Variants in TEAD1 observed in about 807,000 individuals in gnomAD.
The protein encoded by TEAD1 is transcriptional enhancer factor TEF-1.
In TEAD1, 9 loss-of-function variants were observed where a neutral mutation model predicts 54.9. That is an observed-to-expected ratio of 0.16 (90% CI 0.10 to 0.29). TEAD1 has a LOEUF of 0.29. Among genes scored for constraint, TEAD1 ranks in the 10% least tolerant of loss-of-function variants. TEAD1 has a pLI of 1.00. For synonymous variants in TEAD1, 200 were observed against 187.8 expected, an observed-to-expected ratio of 1.07 and a Z score of -0.53; for missense variants, 387 against 535.9, an observed-to-expected ratio of 0.72 and a Z score of 2.74.
chr11:12,679,555 C>T (rs974057143), intron 2 of TEAD1, among the ~76,000 whole-genome samples: 1 of 152,072 alleles, frequency 6.6e-6, no homozygotes, highest in Admixed American at 6.6e-5. Context: ...TGAAAAACTG[C>T]TGCTAATGGT....
intron 2 of TEAD1, among the ~76,000 whole-genome samples, chr11:12,724,389 G>T (rs992437842): frequency 1.3e-5 from 2 of 152,172 alleles, no homozygotes; most frequent in Non-Finnish European, 2.9e-5. Flanking sequence ...CACACCTCTC[G>T]GGCTGTTTGA....
chr11:12,711,562 T>C (rs1291484162), intron 2 of TEAD1, among the ~76,000 whole-genome samples: 1 of 152,186 alleles, frequency 6.6e-6, no homozygotes, highest in African/African-American at 2.4e-5. Context: ...AAGTCCTCTC[T>C]TCATTGCTGT....
intron 9 of TEAD1, among the ~76,000 whole-genome samples, chr11:12,893,913 G>A (rs1948252699): frequency 6.6e-6 from 1 of 152,170 alleles, no homozygotes; most frequent in Non-Finnish European, 1.5e-5. Context: ...GCACAGGCAA[G>A]CTCCTGGGCT....
intron 2 of TEAD1, among the ~76,000 whole-genome samples, chr11:12,712,757 C>A (rs1333374553): frequency 6.6e-6 from 1 of 152,128 alleles, no homozygotes; most frequent in Non-Finnish European, 1.5e-5. Flanking sequence ...GAGAATAAAT[C>A]AAATCCAGTA....
chr11:12,903,372 C>G (rs188479920), intron 10 of TEAD1, among the ~76,000 whole-genome samples: 11 of 152,188 alleles, frequency 7.2e-5, no homozygotes, highest in Non-Finnish European at 1.2e-4. Context: ...ACAACAAAGC[C>G]CAACAGATGT....
intron 3 of TEAD1, among the ~76,000 whole-genome samples, chr11:12,796,204 G>A (rs1270913191): frequency 6.6e-6 from 1 of 152,090 alleles, no homozygotes; most frequent in Non-Finnish European, 1.5e-5. Context: ...ACTAAGTGTT[G>A]GGTAGCAACC....
chr11:12,683,192 T>C (rs1482553612), intron 2 of TEAD1, among the ~76,000 whole-genome samples: 1 of 152,238 alleles, frequency 6.6e-6, no homozygotes, highest in East Asian at 1.9e-4. Context: ...TTTCAATATG[T>C]ATAAAATAAT....
intron 3 of TEAD1, among the ~76,000 whole-genome samples, chr11:12,859,213 A>C (rs1238994241): frequency 2.0e-5 from 3 of 151,518 alleles, no homozygotes; most frequent in Non-Finnish European, 2.9e-5. Flanking sequence ...TATTCATTCA[A>C]CTCCAAGTGC....
Position 12,689,895 on chromosome 11 carries a change from T to TA in TEAD1, c.-55+14343dup, listed in dbSNP as rs529529776. Among the ~76,000 whole-genome samples the TA allele has an allele frequency of 1.1e-4, 16 of 150,914 alleles. No individual in the cohort carries two copies. In the East Asian group the frequency reaches 1.4e-3, roughly 13 times the overall value. Reference sequence around the variant, plus strand: ...CATATTTTAAAAATATGACTCTTTTTAAAAAAAAACAACCAACTATTGATA... The same window carrying TA: ...CATATTTTAAAAATATGACTCTTTTTAAAAAAAAAACAACCAACTATTGATA... On this transcript the variant is annotated intron_variant, in intron 2 of 12. Coordinates refer to ENST00000527636, the MANE Select transcript of TEAD1 (RefSeq NM_021961.6).
rs140374734 is a variant in TEAD1 at position 12,903,334 on chromosome 11, G to T, written c.873+1221G>T. On this transcript the variant is annotated intron_variant, in intron 10 of 12. Transcript: ENST00000527636. Reference sequence around the variant, plus strand: ...AGGATCTGTCAACCTAAGCCTCTACGTATCTCTATACCAAGCAAGAACCTT... The same window carrying T: ...AGGATCTGTCAACCTAAGCCTCTACTTATCTCTATACCAAGCAAGAACCTT... Among the ~76,000 whole-genome samples the T allele has an allele frequency of 4.7e-3, 710 of 152,196 alleles. 9 individuals carry two copies. Among genetic ancestry groups the T allele is most frequent in the African/African-American group, 0.016 (677 of 41,506 alleles).
intron 3 of TEAD1, among the ~76,000 whole-genome samples, chr11:12,772,859 G>C (rs1174816248): frequency 1.3e-5 from 2 of 152,164 alleles, no homozygotes; most frequent in Non-Finnish European, 2.9e-5. Flanking sequence ...TACTTGTTGT[G>C]TGTTAGTCTT....
chr11:12,910,537 A>T (rs1948597711), intron 10 of TEAD1, among the ~76,000 whole-genome samples: 1 of 152,216 alleles, frequency 6.6e-6, no homozygotes, highest in Admixed American at 6.5e-5. Flanking sequence ...AATCTTACGG[A>T]TTTGTATCAT....
chr11:12,918,959 C>T (rs995676530), intron 10 of TEAD1, among the ~76,000 whole-genome samples: 5 of 152,274 alleles, frequency 3.3e-5, no homozygotes, highest in African/African-American at 4.8e-5. Context: ...ATCATGGTTA[C>T]GCTGGCAAGG....
intron 10 of TEAD1, among the ~76,000 whole-genome samples, chr11:12,914,176 A>G (rs1948668484): frequency 6.6e-6 from 1 of 152,240 alleles, no homozygotes; most frequent in Non-Finnish European, 1.5e-5. Context: ...TGCAGTGCAG[A>G]CGGGCAGCCT....
At chr11:12,861,841 C>T (rs1373751139) in intron 3 of TEAD1, among the ~76,000 whole-genome samples, 1 of 152,178 alleles carries the variant, frequency 6.6e-6, no homozygotes, top group African/African-American at 2.4e-5. Context: ...ACAAAATTAG[C>T]TGGGCGTGAT....
At position 12,914,023 on chromosome 11, in the gene TEAD1, G is replaced by A. The variant is rs185842075; in HGVS notation, c.874-10889G>A. 3.4e-4 allele frequency among the ~76,000 whole-genome samples: 52 copies of A among 152,336 alleles called. 1 individual carries two copies. Among genetic ancestry groups the A allele is most frequent in the East Asian group, 1.7e-3 (9 of 5,188 alleles). ...TGCCTCTATTGGAAAGAACTGGCCC[G>A]TGTAGCTGCTTTGTAGTTGGAGCTG... On this transcript the variant is annotated intron_variant, in intron 10 of 12. Coordinates refer to ENST00000527636, the MANE Select transcript of TEAD1 (RefSeq NM_021961.6).
intron 3 of TEAD1, among the ~76,000 whole-genome samples, chr11:12,776,801 CATTATTA>C (rs1564935943): frequency 4.5e-4 from 35 of 78,088 alleles, no homozygotes; most frequent in African/African-American, 3.8e-3. Flanking sequence ...TTATTATTAT[CATTATTA>C]TTATTTTTGA....
intron 9 of TEAD1, among the ~76,000 whole-genome samples, chr11:12,884,356 C>T (rs1589957308): frequency 6.6e-6 from 1 of 152,206 alleles, no homozygotes; most frequent in Admixed American, 6.5e-5. Flanking sequence ...ACCACGTTCT[C>T]TATCTCACCC....
At chr11:12,905,357 G>A (rs1282183484) in intron 10 of TEAD1, among the ~76,000 whole-genome samples, 2 of 152,116 alleles carry the variant, frequency 1.3e-5, no homozygotes, top group Admixed American at 1.3e-4. Flanking sequence ...TTTAGAAACA[G>A]TTACTCCGAG....
Sources: gnomAD v4.1 joint callset for allele counts (sites outside exome capture counted in the v4.1 genomes callset) on GRCh38, gnomAD v4.1.1 for gene constraint, MANE v1.5 for transcripts, NCBI Gene and HGNC (gene_info 2026-07-23, HGNC 2026-07-21) for gene names.